Variants in SNRPA1 observed in about 807,000 individuals in gnomAD.
SNRPA1 encodes the protein small nuclear ribonucleoprotein polypeptide A'.
A neutral mutation model predicts 32.3 loss-of-function variants in SNRPA1; 5 were observed. The observed-to-expected ratio is 0.15, with a 90% CI of 0.08 to 0.33. SNRPA1 has a LOEUF of 0.33. SNRPA1 is among the 10% of genes least tolerant of loss of function. The pLI is 1.00. For synonymous variants in SNRPA1, 111 were observed against 120.1 expected, an observed-to-expected ratio of 0.92 and a Z score of 0.50; for missense variants, 198 against 311.1, an observed-to-expected ratio of 0.64 and a Z score of 2.74.
At chr15:101,286,357 C>T (rs886792212) in intron 5 of SNRPA1, 64 bp from the exon 6 acceptor site, 8 of 1,434,918 alleles carry the variant, frequency 5.6e-6, no homozygotes, top group African/African-American at 1.4e-5. Context: ...AGATGCATTC[C>T]TCAGAAGACA....
Position 101,290,720 on chromosome 15 carries a change from T to C in SNRPA1, c.309+1242A>G, listed in dbSNP as rs140579343. 3.3e-3 allele frequency among the ~76,000 whole-genome samples: 498 copies of C among 150,602 alleles called. 1 individual carries two copies. The highest frequency in any genetic ancestry group is 5.3e-3 in the Non-Finnish European group (362 of 67,772). Reference sequence around the variant, plus strand: ...CCACTGGAATACCTGGGACCACAGATGCACGCTACCACTTTTGGCATTTTT... The same window carrying C: ...CCACTGGAATACCTGGGACCACAGACGCACGCTACCACTTTTGGCATTTTT... On this transcript the variant is annotated intron_variant, in intron 3 of 8. Coordinates refer to ENST00000254193, the MANE Select transcript of SNRPA1 (RefSeq NM_003090.4).
At chr15:101,281,865 CTGTT>C in intron 8 of SNRPA1, 83 bp from the exon 9 acceptor site, 1 of 1,287,556 alleles carries the variant, frequency 7.8e-7, no homozygotes, top group Non-Finnish European at 1.1e-6. Context: ...TCTGTGGCCA[CTGTT>C]TGTTACACAC....
intron 5 of SNRPA1, 101 bp downstream of exon 5, chr15:101,286,807 G>T: frequency 1.6e-6 from 1 of 628,840 alleles, no homozygotes; most frequent in Non-Finnish European, 2.8e-6. Flanking sequence ...CAAACTAATG[G>T]TAAAATTTAC....
chr15:101,294,031 C>A (rs546582822), intron 1 of SNRPA1, among the ~76,000 whole-genome samples: 5 of 152,266 alleles, frequency 3.3e-5, no homozygotes, highest in African/African-American at 1.2e-4. Context: ...GTCGGGAGTT[C>A]GAGACCAGCC....
At chr15:101,292,084 G>C (rs1443291681) in intron 2 of SNRPA1, 44 bp from the exon 3 acceptor site, 1 of 1,344,204 alleles carries the variant, frequency 7.4e-7, no homozygotes, top group East Asian at 2.3e-5. Flanking sequence ...AATTAAATAA[G>C]CTAACAATTT....
intron 5 of SNRPA1, 90 bp downstream of exon 5, chr15:101,286,818 T>C: frequency 1.5e-6 from 1 of 654,600 alleles, no homozygotes; most frequent in Non-Finnish European, 2.7e-6. Flanking sequence ...TAAAATTTAC[T>C]CATTTAGACA....
Position 101,286,996 on chromosome 15 carries a change from G to A in SNRPA1, c.371C>T (p.Pro124Leu). ...SLTYLSILRN[P>L]VTNKKHYRLY... ...TCTGTAATGCTTCTTATTGGTTACC[G>A]GATTTCTTAGGATACTACAAGAAAA... The change falls in exon 5 of 9, where the codon CCG (proline) becomes CTG (leucine). Residue 124 changes from proline (P) to leucine (L), a missense_variant. Pro to Leu is a moderately conservative substitution (Grantham distance 98). Coordinates refer to ENST00000254193, the MANE Select transcript of SNRPA1 (RefSeq NM_003090.4). The A allele has an allele frequency of 5.0e-6, 8 of 1,586,382 alleles. No individual in the cohort carries two copies. Among genetic ancestry groups the A allele is most frequent in the African/African-American group, 1.3e-5 (1 of 74,462 alleles).
chr15:101,292,121 C>G (rs2039532738), intron 2 of SNRPA1, 81 bp from the exon 3 acceptor site: 5 of 945,592 alleles, frequency 5.3e-6, no homozygotes, highest in South Asian at 4.0e-5. Context: ...CAGAGGATCA[C>G]AGAGAGACAC....
chr15:101,290,591 A>G (rs1301393631), intron 3 of SNRPA1, among the ~76,000 whole-genome samples: 3 of 138,812 alleles, frequency 2.2e-5, no homozygotes, highest in East Asian at 4.3e-4. Context: ...TTTTTTTTTG[A>G]GATGAGGTCT....
At chr15:101,292,514 T>G (rs1259886869) in intron 2 of SNRPA1, among the ~76,000 whole-genome samples, 2 of 152,210 alleles carry the variant, frequency 1.3e-5, no homozygotes, top group Middle Eastern at 3.4e-3. Context: ...CCAATAAAGT[T>G]TACACAGAGC....
In SNRPA1 at chr15:101,295,196, C is replaced by A. The variant is rs1287351607; in HGVS notation, c.-18G>T. The A allele has an allele frequency of 6.6e-7, 1 of 1,526,426 alleles. No homozygotes were observed. Among genetic ancestry groups the A allele is most frequent in the Non-Finnish European group, 8.8e-7 (1 of 1,139,676 alleles). The allele number at this position is 1,526,426 out of a possible 1,614,324, so 94.6% of individuals were successfully genotyped here. ...TTGACCATCCTGCAGCCTCCCGTTC[C>A]CCCGCGCTGTGGAAAGCCCGTGGCC... On this transcript the variant is annotated 5_prime_UTR_variant, in exon 1 of 9. Coordinates refer to ENST00000254193, the MANE Select transcript of SNRPA1 (RefSeq NM_003090.4).
intron 8 of SNRPA1, among the ~76,000 whole-genome samples, chr15:101,282,667 TGTG>T (rs1455494312): frequency 2.7e-5 from 4 of 148,930 alleles, no homozygotes; most frequent in South Asian, 4.1e-4. Flanking sequence ...TTTGGAAAAC[TGTG>T]GTTCACCGAC....
intron 3 of SNRPA1, 83 bp from the exon 4 acceptor site, chr15:101,287,785 G>C (rs1012973258): frequency 1.6e-6 from 2 of 1,255,288 alleles, no homozygotes; most frequent in African/African-American, 1.5e-5. Context: ...TTTGAAGCAA[G>C]TTGTCTTTTC....
At chr15:101,283,459 G>A (rs2039419487) in intron 8 of SNRPA1, among the ~76,000 whole-genome samples, 1 of 151,974 alleles carries the variant, frequency 6.6e-6, no homozygotes, top group Non-Finnish European at 1.5e-5. Flanking sequence ...CCAGCTACTC[G>A]GGAGGCTGGG....
rs77545307 is a variant in SNRPA1 at position 101,286,880 on chromosome 15, G to T, written c.459+28C>A. ...AAAGAAAAACACACAACTCTATAATGGCTCACAAGCAACAGATTACTACTT... is the reference window on the plus strand; with the variant it reads ...AAAGAAAAACACACAACTCTATAATTGCTCACAAGCAACAGATTACTACTT... On this transcript the variant is annotated intron_variant, in intron 5 of 8. Coordinates refer to ENST00000254193, the MANE Select transcript of SNRPA1 (RefSeq NM_003090.4). The T allele has an allele frequency of 7.4e-4, 848 of 1,150,680 alleles. 8 individuals are homozygous for T. The African/African-American group carries it at 0.011, about 15-fold the overall frequency. The allele number at this position is 1,150,680 out of a possible 1,614,324, so 71.3% of individuals were successfully genotyped here.
chr15:101,294,281 A>G (rs1023500237), intron 1 of SNRPA1, among the ~76,000 whole-genome samples: 2 of 152,232 alleles, frequency 1.3e-5, no homozygotes, highest in Non-Finnish European at 2.9e-5. Context: ...AAGGTCGGCA[A>G]GAAATCTAAG....
At chr15:101,287,457 A>T (rs1247484319) in intron 4 of SNRPA1, among the ~76,000 whole-genome samples, 199 bp downstream of exon 4, 1 of 151,952 alleles carries the variant, frequency 6.6e-6, no homozygotes, top group Non-Finnish European at 1.5e-5. Flanking sequence ...TCCTTGCGAT[A>T]GTTTGCTGAG....
At position 101,295,195 on chromosome 15, in the gene SNRPA1, C is replaced by A; in HGVS notation, c.-17G>T. On this transcript the variant is annotated 5_prime_UTR_variant, in exon 1 of 9. Transcript: ENST00000254193. ...CTTGACCATCCTGCAGCCTCCCGTT[C>A]CCCCGCGCTGTGGAAAGCCCGTGGC... 1 of 1,526,556 alleles carries A rather than the reference C, an allele frequency of 6.6e-7. No individual in the cohort carries two copies. The highest frequency in any genetic ancestry group is 8.8e-7 in the Non-Finnish European group (1 of 1,139,786). The allele number at this position is 1,526,556 out of a possible 1,614,324, so 94.6% of individuals were successfully genotyped here. A position where few individuals can be genotyped will look rare whatever the true frequency, so the allele number is the denominator to read the frequency against.
In SNRPA1 at chr15:101,295,167, C is replaced by T; in HGVS notation, c.12G>A (p.Leu4=). The part of the protein sequence containing the change: MVK[L]TAELIEQAAQ... ...CCGCCTGCTCGATCAGCTCCGCCGT[C>T]AGCTTGACCATCCTGCAGCCTCCCG... Residue 4 remains leucine (L), a synonymous_variant, in exon 1 of 9, where the codon CTG becomes CTA. Transcript: ENST00000254193. 1 of 1,554,512 alleles carries T rather than the reference C, an allele frequency of 6.4e-7. No homozygotes were observed. Among genetic ancestry groups the T allele is most frequent in the Non-Finnish European group, 8.7e-7 (1 of 1,154,622 alleles).
Sources: gnomAD v4.1 joint callset for allele counts (sites outside exome capture counted in the v4.1 genomes callset) on GRCh38, gnomAD v4.1.1 for gene constraint, MANE v1.5 for transcripts, NCBI Gene and HGNC (gene_info 2026-07-23, HGNC 2026-07-21) for gene names.